Variants in SAMD4A observed in about 807,000 individuals in gnomAD.
SAMD4A encodes the protein protein Smaug homolog 1.
SAMD4A carries 33 observed loss-of-function variants against 81.3 expected under a neutral mutation model. The ratio of observed to expected loss-of-function variants is 0.41; its 90% confidence interval spans 0.31 to 0.54. The LOEUF is 0.54. Among genes scored for constraint, SAMD4A ranks in the 20% least tolerant of loss-of-function variants. The probability of loss-of-function intolerance (pLI) is 0.37; values close to 1 mark genes in which losing one functional copy is unlikely to be tolerated. For synonymous variants in SAMD4A, 389 were observed against 382.1 expected (o/e 1.02, Z -0.21); for missense variants, 854 against 951.1 (o/e 0.90, Z 1.34).
At chr14:54,673,733 C>T (rs561905958) in intron 2 of SAMD4A, among the ~76,000 whole-genome samples, 2 of 152,358 alleles carry the variant, frequency 1.3e-5, no homozygotes, top group Non-Finnish European at 1.5e-5. Context: ...TCTACAGGGC[C>T]TTAGGCAGCT....
chr14:54,622,192 A>G (rs1195805394), intron 2 of SAMD4A, among the ~76,000 whole-genome samples: 1 of 152,238 alleles, frequency 6.6e-6, no homozygotes, highest in African/African-American at 2.4e-5. Flanking sequence ...TTTTGTATAA[A>G]TTAGAAATTA....
intron 2 of SAMD4A, among the ~76,000 whole-genome samples, chr14:54,619,898 CAG>C (rs1044198372): frequency 5.9e-5 from 9 of 152,246 alleles, no homozygotes; most frequent in Admixed American, 3.3e-4. Context: ...AAGACAAAAA[CAG>C]GGTCAGGTAA....
intron 2 of SAMD4A, among the ~76,000 whole-genome samples, chr14:54,630,651 T>G (rs1165303893): frequency 6.6e-6 from 1 of 152,168 alleles, no homozygotes; most frequent in Non-Finnish European, 1.5e-5. Flanking sequence ...CTGAGAATGC[T>G]TTGGTGGTGG....
intron 2 of SAMD4A, among the ~76,000 whole-genome samples, chr14:54,637,738 G>GT (rs914718050): frequency 6.8e-4 from 104 of 152,292 alleles, no homozygotes; most frequent in Non-Finnish European, 3.5e-4. Flanking sequence ...AGGTAGCTTT[G>GT]TAAGTGACAC....
At chr14:54,623,483 C>CAAAAAAAAAAAAAAAAA (rs59768858) in intron 2 of SAMD4A, among the ~76,000 whole-genome samples, 6 of 45,952 alleles carry the variant, frequency 1.3e-4, no homozygotes, top group Admixed American at 3.4e-4. Flanking sequence ...TGGACATCAG[C>CAAAAAAAAAAAAAAAAA]AAAAAAAAAA....
intron 2 of SAMD4A, among the ~76,000 whole-genome samples, chr14:54,620,140 A>C (rs1055938117): frequency 6.6e-5 from 10 of 152,094 alleles, no homozygotes; most frequent in African/African-American, 2.2e-4. Context: ...TGGCATTATT[A>C]TAACCCTTAC....
chr14:54,751,586 G>C (rs767173616), intron 6 of SAMD4A, 49 bp downstream of exon 6: 1 of 1,243,888 alleles, frequency 8.0e-7, no homozygotes, highest in Admixed American at 1.8e-5. Context: ...TGGGAAAATG[G>C]ACCAAGGAAA....
intron 2 of SAMD4A, among the ~76,000 whole-genome samples, chr14:54,670,552 C>T (rs2035858539): frequency 6.6e-6 from 1 of 152,182 alleles, no homozygotes; most frequent in African/African-American, 2.4e-5. Flanking sequence ...GGCCAAATGA[C>T]TTAACTTTTC....
chr14:54,629,965 T>C (rs1486214322), intron 2 of SAMD4A, among the ~76,000 whole-genome samples: 3 of 152,244 alleles, frequency 2.0e-5, no homozygotes, highest in African/African-American at 7.2e-5. Context: ...TTCATTAGCA[T>C]AATGTCCTCA....
At chr14:54,716,436 C>T (rs1245463125) in intron 3 of SAMD4A, among the ~76,000 whole-genome samples, 45 of 152,208 alleles carry the variant, frequency 3.0e-4, no homozygotes, top group Admixed American at 2.9e-3. Flanking sequence ...CTTGTTAGTA[C>T]CCAGGTGAAA....
In SAMD4A at chr14:54,765,066, T is replaced by C. The variant is rs1053572345; in HGVS notation, c.1596+526T>C. Among the ~76,000 whole-genome samples the C allele has an allele frequency of 5.5e-4, 84 of 152,324 alleles. 1 individual carries two copies. Among genetic ancestry groups the C allele is most frequent in the African/African-American group, 2.0e-3 (82 of 41,580 alleles). ...TGAGGCAGGCTGCAGGTGTGCCTAC[T>C]GGACCCTCAGGCACAGTCTTCATAT... On this transcript the variant is annotated intron_variant, in intron 8 of 12. Coordinates refer to ENST00000554335, the MANE Select transcript of SAMD4A (RefSeq NM_015589.6).
rs1031015121 is a variant in SAMD4A, at chr14:54,694,797, C to T, written c.197-7265C>T. 6 of 985,292 alleles carry T rather than the reference C, an allele frequency of 6.1e-6. No homozygotes were observed. The African/African-American group carries it at 7.0e-5, about 11-fold the overall frequency. 61.0% of individuals were successfully genotyped at this position (985,292 alleles called of 1,614,324 possible). On this transcript the variant is annotated intron_variant, in intron 2 of 12. Transcript: ENST00000554335. The stretch of plus-strand genomic sequence containing the variant: ...TGGCTGAGATCTCAGGACTACTTCC[C>T]AGCTGGCCTGGGTCCTCAAGGAGTA...
At chr14:54,570,578 G>A (rs983723738) in intron 2 of SAMD4A, among the ~76,000 whole-genome samples, 1 of 152,194 alleles carries the variant, frequency 6.6e-6, no homozygotes, top group Non-Finnish European at 1.5e-5. Flanking sequence ...CAGAAAAACT[G>A]TAACTTTAGA....
chr14:54,776,578 G>T, intron 11 of SAMD4A, 38 bp downstream of exon 11: 1 of 1,490,998 alleles, frequency 6.7e-7, no homozygotes. Context: ...GACACAGAGG[G>T]GAGGCCAAAA....
chr14:54,631,879 T>C (rs547338333), intron 2 of SAMD4A, among the ~76,000 whole-genome samples: 160 of 152,352 alleles, frequency 1.1e-3, no homozygotes, highest in African/African-American at 3.5e-3. Context: ...TTAACAATTT[T>C]TGTGCATTTT....
chr14:54,663,542 CT>C (rs879888558), intron 2 of SAMD4A, among the ~76,000 whole-genome samples: 3 of 152,056 alleles, frequency 2.0e-5, no homozygotes, highest in Non-Finnish European at 4.4e-5. Flanking sequence ...AGCTTGACTA[CT>C]TTTTTTTCTG....
intron 2 of SAMD4A, chr14:54,687,882 G>C (rs535241794): frequency 1.2e-6 from 1 of 868,678 alleles, no homozygotes; most frequent in East Asian, 1.2e-4. Context: ...TCAGGGCCAC[G>C]TGTCCCTGAA....
intron 9 of SAMD4A, among the ~76,000 whole-genome samples, chr14:54,774,658 A>AAACAAAAAAC (rs540695400): frequency 6.6e-6 from 1 of 151,242 alleles, no homozygotes; most frequent in African/African-American, 2.4e-5. Flanking sequence ...CTACCAAAAA[A>AAACAAAAAAC]AAAAAGTTAG....
intron 3 of SAMD4A, among the ~76,000 whole-genome samples, chr14:54,724,285 G>T (rs2037357096): frequency 6.6e-6 from 1 of 152,196 alleles, no homozygotes; most frequent in Non-Finnish European, 1.5e-5. Flanking sequence ...ACACAGGCTT[G>T]CAAGTGAGAG....
Sources: gnomAD v4.1 joint callset for allele counts (sites outside exome capture counted in the v4.1 genomes callset) on GRCh38, gnomAD v4.1.1 for gene constraint, MANE v1.5 for transcripts, NCBI Gene and HGNC (gene_info 2026-07-23, HGNC 2026-07-21) for gene names.